Variants in COL4A2 observed in about 807,000 individuals in gnomAD.
The protein encoded by COL4A2 is collagen type IV alpha 2 chain.
A neutral mutation model predicts 200.2 loss-of-function variants in COL4A2; 99 were observed. The ratio of observed to expected loss-of-function variants is 0.49; its 90% CI spans 0.42 to 0.58. The LOEUF is 0.58. Ranked by LOEUF, COL4A2 falls within the 20% of genes least tolerant of loss-of-function variation. The probability of loss-of-function intolerance (pLI) is 0.00; values close to 1 mark genes in which losing one functional copy is unlikely to be tolerated. For synonymous variants in COL4A2, 897 were observed against 900.6 expected (o/e 1.00, Z 0.07); for missense variants, 1,950 against 2,314.1 (o/e 0.84, Z 3.23).
rs68187540 is a variant in COL4A2, at chr13:110,408,975, TAC to T, written c.181-15751_181-15750del. On this transcript the variant is annotated intron_variant, in intron 4 of 47. Coordinates refer to ENST00000360467, the MANE Select transcript of COL4A2 (RefSeq NM_001846.4). The stretch of plus-strand genomic sequence containing the variant: ...CGGACACATACACATAACGCACATA[TAC>T]ACACACATGCACACACGCACACATA... Among the ~76,000 whole-genome samples the T allele has an allele frequency of 2.7e-3, 13 of 4,862 alleles. 2 individuals carry two copies. The highest frequency in any genetic ancestry group is 6.2e-3 in the African/African-American group (9 of 1,446). 3.2% of individuals were successfully genotyped at this position (4,862 alleles called of 152,430 possible).
At chr13:110,488,807 C>T (rs1594104519) in intron 34 of COL4A2, among the ~76,000 whole-genome samples, 1 of 152,118 alleles carries the variant, frequency 6.6e-6, no homozygotes, top group South Asian at 2.1e-4. Flanking sequence ...CATGGTGGAG[C>T]GAGGATGTAG....
chr13:110,331,492 C>T (rs905061940), intron 3 of COL4A2, among the ~76,000 whole-genome samples: 7 of 152,250 alleles, frequency 4.6e-5, no homozygotes, highest in South Asian at 2.1e-4. Flanking sequence ...GCCTGACCCT[C>T]GTTACTGGGC....
At chr13:110,476,251 G>A (rs9515233) in intron 29 of COL4A2, among the ~76,000 whole-genome samples, 1 of 152,132 alleles carries the variant, frequency 6.6e-6, no homozygotes, top group Non-Finnish European at 1.5e-5. Context: ...CTGCAGTGCT[G>A]CCTGCCAACT....
intron 29 of COL4A2, among the ~76,000 whole-genome samples, chr13:110,477,204 A>G (rs4338652): frequency 1 from 151,741 of 152,322 alleles, 75,588 homozygotes; most frequent in Middle Eastern, 1. Flanking sequence ...GAAAGAAAGA[A>G]AGAAAAGATA....
chr13:110,335,616 AC>A (rs1168004193), intron 3 of COL4A2, among the ~76,000 whole-genome samples: 1 of 152,202 alleles, frequency 6.6e-6, no homozygotes, highest in Non-Finnish European at 1.5e-5. Context: ...ATGGACTAAT[AC>A]AGCTCCCTTG....
chr13:110,442,951 C>T (rs1257063156), intron 16 of COL4A2, among the ~76,000 whole-genome samples: 1 of 149,254 alleles, frequency 6.7e-6, no homozygotes, highest in Non-Finnish European at 1.5e-5. Context: ...GTGGGAAGTC[C>T]CCCCTCAATA....
chr13:110,360,885 G>A (rs1211655805), intron 4 of COL4A2, among the ~76,000 whole-genome samples: 1 of 151,596 alleles, frequency 6.6e-6, no homozygotes, highest in African/African-American at 2.4e-5. Context: ...TGGGTGCTGC[G>A]TGATGCTTGA....
At chr13:110,337,319 T>TA (rs1477510333) in intron 3 of COL4A2, among the ~76,000 whole-genome samples, 5 of 152,256 alleles carry the variant, frequency 3.3e-5, no homozygotes, top group Admixed American at 6.5e-5. Flanking sequence ...TTTGGAATCA[T>TA]AAACGTAAGA....
At chr13:110,332,348 T>C (rs768721656) in intron 3 of COL4A2, among the ~76,000 whole-genome samples, 8 of 152,210 alleles carry the variant, frequency 5.3e-5, no homozygotes, top group Non-Finnish European at 1.2e-4. Flanking sequence ...TACCTTTGAA[T>C]GGAAAGGGCC....
chr13:110,389,367 C>T (rs893036612), intron 4 of COL4A2, among the ~76,000 whole-genome samples: 2 of 152,320 alleles, frequency 1.3e-5, no homozygotes, highest in African/African-American at 4.8e-5. Context: ...GCACCATCAC[C>T]CTTCTCCCTA....
chr13:110,482,481 T>A (rs748855892), intron 31 of COL4A2, 35 bp from the exon 32 acceptor site: 2 of 1,606,346 alleles, frequency 1.2e-6, no homozygotes, highest in Non-Finnish European at 1.7e-6. Flanking sequence ...ATTTTATTCA[T>A]GTCTAACCCA....
At chr13:110,466,271 C>G (rs1882238289) in intron 26 of COL4A2, among the ~76,000 whole-genome samples, 1 of 152,180 alleles carries the variant, frequency 6.6e-6, no homozygotes. Flanking sequence ...TAACCAAACC[C>G]CTCTTGTCAG....
At chr13:110,417,241 C>T (rs1350626697) in intron 4 of COL4A2, among the ~76,000 whole-genome samples, 1 of 152,230 alleles carries the variant, frequency 6.6e-6, no homozygotes, top group African/African-American at 2.4e-5. Context: ...AGGCATGAGC[C>T]ATCCCGCCCA....
At position 110,504,237 on chromosome 13, in the gene COL4A2, G is replaced by A; in HGVS notation, c.4375G>A (p.Gly1459Ser). ...CTTCCGGGGAGATGAAGGACCCATA[G>A]GCCACCAGGGGCCGATTGGCCAAGA... ...PGFRGDEGPI[G>S]HQGPIGQEGA... is the part of the protein sequence containing the mutation. Residue 1459 changes from glycine (G) to serine (S), a missense_variant, in exon 45 of 48, where the codon GGC becomes AGC. By Grantham distance (56) the Gly-to-Ser change is moderately conservative (BLOSUM62 0). Transcript: ENST00000360467. 1 of 1,614,006 alleles carries A rather than the reference G, an allele frequency of 6.2e-7. No individual in the cohort carries two copies.
intron 20 of COL4A2, among the ~76,000 whole-genome samples, chr13:110,453,310 T>C (rs1399740137): frequency 6.6e-6 from 1 of 152,048 alleles, no homozygotes; most frequent in Non-Finnish European, 1.5e-5. Context: ...GAGACCAGCC[T>C]GACCAACATG....
In COL4A2 at chr13:110,485,090, G is replaced by A. The variant is rs142614401; in HGVS notation, c.3025+63G>A. On this transcript the variant is annotated intron_variant, in intron 33 of 47. Coordinates refer to ENST00000360467, the MANE Select transcript of COL4A2 (RefSeq NM_001846.4). ...CTGCCGCCCCAGCCCGCACCAGCTC[G>A]TGCCCTTCTCCGTCCCCAGAGACGC... The A allele has an allele frequency of 2.1e-4, 294 of 1,426,112 alleles. No individual in the cohort carries two copies. In the East Asian group the frequency reaches 4.6e-3, roughly 22 times the overall value. The allele number at this position is 1,426,112 out of a possible 1,614,324, so 88.3% of individuals were successfully genotyped here. A position where few individuals can be genotyped will look rare whatever the true frequency, so the allele number is the denominator to read the frequency against.
At chr13:110,319,987 G>A (rs1484665461) in intron 3 of COL4A2, among the ~76,000 whole-genome samples, 2 of 152,246 alleles carry the variant, frequency 1.3e-5, no homozygotes, top group African/African-American at 2.4e-5. Context: ...GCCGGTAAGT[G>A]CAGACATCAG....
Position 110,478,096 on chromosome 13 carries a change from T to A in COL4A2, c.2519T>A (p.Leu840Gln). Reference sequence around the variant, plus strand: ...CCAGGCCTGTATGGGCCTCCAGGACTGCATGGATTCCCAGGAGCTCCTGGC... The same window carrying A: ...CCAGGCCTGTATGGGCCTCCAGGACAGCATGGATTCCCAGGAGCTCCTGGC... Reference protein sequence around the residue: ...GQPGLYGPPGLHGFPGAPGQE... With the variant: ...GQPGLYGPPGQHGFPGAPGQE... The change falls in exon 30 of 48, where the codon CTG becomes CAG. Residue 840 changes from leucine (L) to glutamine (Q), a missense_variant. Physicochemically the swap from Leu to Gln is moderately radical, Grantham distance 113. Transcript: ENST00000360467. 6.2e-7 allele frequency: 1 copy of A among 1,609,726 alleles called. No homozygotes were observed. Among genetic ancestry groups the A allele is most frequent in the Non-Finnish European group, 8.5e-7 (1 of 1,177,668 alleles).
intron 3 of COL4A2, among the ~76,000 whole-genome samples, chr13:110,348,408 A>T (rs547985428): frequency 2.6e-5 from 4 of 152,358 alleles, no homozygotes; most frequent in African/African-American, 9.6e-5. Flanking sequence ...GGGTGGTACA[A>T]CTGTGACCTG....
Sources: gnomAD v4.1 joint callset for allele counts (sites outside exome capture counted in the v4.1 genomes callset) on GRCh38, gnomAD v4.1.1 for gene constraint, MANE v1.5 for transcripts, NCBI Gene and HGNC (gene_info 2026-07-23, HGNC 2026-07-21) for gene names.